Variants in KCTD21 observed in about 807,000 individuals in gnomAD.
KCTD21 encodes the protein potassium channel tetramerization domain containing 21.
KCTD21 carries 9 observed loss-of-function variants against 13.2 expected under a neutral mutation model. The ratio of observed to expected loss-of-function variants is 0.68; its 90% confidence interval spans 0.41 to 1.19. The LOEUF (loss-of-function observed/expected upper bound fraction) is 1.19. Ranked by LOEUF, KCTD21 falls within the 50% of genes most tolerant of loss-of-function variation. The pLI is 0.01. For missense variants in KCTD21, 303 were observed against 336.5 expected (o/e 0.90, Z 0.78); for synonymous variants, 142 against 137.4 (o/e 1.03, Z -0.23).
intron 1 of KCTD21, among the ~76,000 whole-genome samples, chr11:78,181,763 T>C (rs979628044): frequency 1.3e-5 from 2 of 151,912 alleles, no homozygotes; most frequent in Admixed American, 6.6e-5. Context: ...CTGGAAAACA[T>C]AGTAAGACCC....
intron 1 of KCTD21, among the ~76,000 whole-genome samples, chr11:78,181,220 A>G (rs1003998594): frequency 6.6e-6 from 1 of 152,250 alleles, no homozygotes; most frequent in African/African-American, 2.4e-5. Flanking sequence ...AAAGACTCAT[A>G]TGTGAATGTT....
chr11:78,188,178 T>G lies in KCTD21; in HGVS notation c.-30+395A>C, dbSNP rs370323206. On this transcript the variant is annotated intron_variant, in intron 1 of 1. Transcript: ENST00000340067. ...TTCCCCAATCTCACCCAGGCTGGCC[T>G]CATCGGCTTGTTCCGCACCCACTCC... The G allele has an allele frequency of 2.8e-5, 28 of 985,282 alleles. No homozygotes were observed. In the East Asian group the frequency reaches 9.1e-4, roughly 32 times the overall value. 61.0% of individuals were successfully genotyped at this position (985,282 alleles called of 1,614,324 possible).
In KCTD21 at chr11:78,172,845, T is replaced by C. The variant is rs1862317803; in HGVS notation, c.*927A>G. 1 of 152,576 alleles carries C rather than the reference T, an allele frequency of 6.6e-6. No individual in the cohort carries two copies. The highest frequency in any genetic ancestry group is 6.5e-5 in the Admixed American group (1 of 15,276). 9.5% of individuals were successfully genotyped at this position (152,576 alleles called of 1,614,324 possible). ...GCAGGCCAAGGTGATCACTTGCAGG[T>C]ACCCAGGGAGAGGCGCTCATCTTCA... On this transcript the variant is annotated 3_prime_UTR_variant, in exon 2 of 2. Transcript: ENST00000340067.
chr11:78,173,340 G>T lies in KCTD21; in HGVS notation c.*432C>A, dbSNP rs1476597633. 9.8e-5 allele frequency: 16 copies of T among 163,886 alleles called. No individual in the cohort carries two copies. The highest frequency in any genetic ancestry group is 4.8e-4 in the South Asian group (3 of 6,280). The allele number at this position is 163,886 out of a possible 1,614,324, so 10.2% of individuals were successfully genotyped here. On this transcript the variant is annotated 3_prime_UTR_variant, in exon 2 of 2. Coordinates refer to ENST00000340067, the MANE Select transcript of KCTD21 (RefSeq NM_001029859.3). ...AGCAGGTGTGACAGGAACCGCTGGG[G>T]ACTTTATGTCCTGGTTAACTGGAGG...
chr11:78,183,261 T>G (rs1456671776), intron 1 of KCTD21, among the ~76,000 whole-genome samples: 1 of 151,952 alleles, frequency 6.6e-6, no homozygotes, highest in Admixed American at 6.6e-5. Flanking sequence ...CCAGGCTGGG[T>G]GCGGTAGTTC....
chr11:78,183,522 T>TGA (rs1862689263), intron 1 of KCTD21, among the ~76,000 whole-genome samples: 1 of 150,840 alleles, frequency 6.6e-6, no homozygotes, highest in East Asian at 2.0e-4. Context: ...GGCAACAGAG[T>TGA]GAGACTCCAT....
In KCTD21 at chr11:78,174,004, A is replaced by T. The variant is rs1040554463; in HGVS notation, c.551T>A (p.Leu184Gln). The change falls in exon 2 of 2, where the codon CTG becomes CAG. Residue 184 changes from leucine to glutamine, a missense_variant. Physicochemically the swap from Leu to Gln is moderately radical, Grantham distance 113 (BLOSUM62 -2). Coordinates refer to ENST00000340067, the MANE Select transcript of KCTD21 (RefSeq NM_001029859.3). The stretch of plus-strand genomic sequence containing the variant: ...CACATTGGCCACCCAGTCCAGAGTC[A>T]GGTGGTTGGGGTCCTGCAAGTGGCT... ...ITSHLQDPNH[L>Q]TLDWVANVEG... 6.2e-7 allele frequency: 1 copy of T among 1,613,934 alleles called. No individual in the cohort carries two copies. The highest frequency in any genetic ancestry group is 1.3e-5 in the African/African-American group (1 of 74,876).
chr11:78,176,715 C>G (rs1862457445), intron 1 of KCTD21, among the ~76,000 whole-genome samples: 1 of 152,170 alleles, frequency 6.6e-6, no homozygotes, highest in African/African-American at 2.4e-5. Context: ...ATCTGGCTGG[C>G]AGACACAGTG....
At chr11:78,184,064 G>A (rs1343951551) in intron 1 of KCTD21, among the ~76,000 whole-genome samples, 1 of 152,204 alleles carries the variant, frequency 6.6e-6, no homozygotes, top group Non-Finnish European at 1.5e-5. Context: ...GGTGTGAAAG[G>A]TTATCAGGAA....
chr11:78,178,803 A>G (rs967559140), intron 1 of KCTD21, among the ~76,000 whole-genome samples: 2 of 152,190 alleles, frequency 1.3e-5, no homozygotes, highest in African/African-American at 2.4e-5. Context: ...CAGGGACCCT[A>G]AGACCAATTA....
intron 1 of KCTD21, among the ~76,000 whole-genome samples, chr11:78,182,297 AC>A (rs11344762): frequency 0.37 from 48,063 of 130,138 alleles, 8,058 homozygotes; most frequent in Admixed American, 0.5. Context: ...ATCCCAAAGC[AC>A]CCCCCCCCCC....
Position 78,173,782 on chromosome 11 carries a change from C to G in KCTD21, c.773G>C (p.Arg258Pro). 1 of 1,610,972 alleles carries G rather than the reference C, an allele frequency of 6.2e-7. No individual in the cohort carries two copies. Among genetic ancestry groups the G allele is most frequent in the Non-Finnish European group, 8.5e-7 (1 of 1,177,802 alleles). Residue 258 changes from arginine to proline, a missense_variant, in exon 2 of 2, where the codon CGG becomes CCG. Transcript: ENST00000340067. ...FMNNKIIRLI[R>P]YR ...GTTGTTGGGGTCCTTTTACCTGTAC[C>G]GTATTAATCGAATAATCTTATTGTT...
At chr11:78,182,485 T>C (rs528935834) in intron 1 of KCTD21, among the ~76,000 whole-genome samples, 51 of 152,324 alleles carry the variant, frequency 3.3e-4, no homozygotes, top group Middle Eastern at 6.8e-3. Flanking sequence ...GCAATGACAT[T>C]TCCCTCTGTG....
intron 1 of KCTD21, among the ~76,000 whole-genome samples, chr11:78,179,911 C>T (rs1590878919): frequency 6.6e-6 from 1 of 152,214 alleles, no homozygotes; most frequent in Non-Finnish European, 1.5e-5. Flanking sequence ...CCTTGCACAA[C>T]CCCCTCTGGC....
chr11:78,180,499 TAAAC>T (rs1565385224), intron 1 of KCTD21, among the ~76,000 whole-genome samples: 2 of 152,030 alleles, frequency 1.3e-5, no homozygotes, highest in African/African-American at 2.4e-5. Flanking sequence ...TATCTCTACT[TAAAC>T]AAAAACAAAA....
rs1862349358 is a variant in KCTD21, at chr11:78,173,639, G to A, written c.*133C>T. On this transcript the variant is annotated 3_prime_UTR_variant, in exon 2 of 2. Coordinates refer to ENST00000340067, the MANE Select transcript of KCTD21 (RefSeq NM_001029859.3). ...CAAAAGGTGGACTTCATCATGGGGG[G>A]AATCAAGTCCTGCTACACAATTAAT... 2.6e-6 allele frequency: 2 copies of A among 765,194 alleles called. No homozygotes were observed. Among genetic ancestry groups the A allele is most frequent in the Middle Eastern group, 3.3e-4 (1 of 2,986 alleles). 47.4% of individuals were successfully genotyped at this position (765,194 alleles called of 1,614,324 possible).
At chr11:78,183,217 G>A (rs77475520) in intron 1 of KCTD21, among the ~76,000 whole-genome samples, 7,247 of 152,198 alleles carry the variant, frequency 0.048, 520 homozygotes, top group African/African-American at 0.16. Context: ...ATATAGCCCA[G>A]TGAATTAAAA....
rs574448044 is a variant in KCTD21, at chr11:78,177,553, T to G, written c.-29-2970A>C. 2.0e-5 allele frequency among the ~76,000 whole-genome samples: 3 copies of G among 151,896 alleles called. No individual in the cohort carries two copies. The South Asian group carries it at 6.2e-4, about 32-fold the overall frequency. Reference sequence around the variant, plus strand: ...CCCAGGCAGGAGGTGGACCCAGGAGTGGGTCCCCTTTACTCAGTCCAGAAT... The same window carrying G: ...CCCAGGCAGGAGGTGGACCCAGGAGGGGGTCCCCTTTACTCAGTCCAGAAT... On this transcript the variant is annotated intron_variant, in intron 1 of 1. Transcript: ENST00000340067.
intron 1 of KCTD21, among the ~76,000 whole-genome samples, chr11:78,185,219 T>C (rs1214375931): frequency 1.3e-5 from 2 of 152,186 alleles, no homozygotes; most frequent in African/African-American, 2.4e-5. Flanking sequence ...AAGTGTGTGT[T>C]TGTGTAAAAG....
Sources: gnomAD v4.1 joint callset for allele counts (sites outside exome capture counted in the v4.1 genomes callset) on GRCh38, gnomAD v4.1.1 for gene constraint, MANE v1.5 for transcripts, NCBI Gene and HGNC (gene_info 2026-07-23, HGNC 2026-07-21) for gene names.